Variants in SNX25 observed in about 807,000 individuals in gnomAD.
SNX25 encodes sorting nexin 25.
SNX25 carries 62 observed loss-of-function variants against 113.7 expected under a neutral mutation model. The ratio of observed to expected loss-of-function variants is 0.55; its 90% confidence interval spans 0.44 to 0.67. The LOEUF (loss-of-function observed/expected upper bound fraction) is 0.67, where lower values mean the gene tolerates loss of function less well. Among genes scored for constraint, SNX25 ranks in the 30% least tolerant of loss-of-function variants. The pLI is 0.00. For missense variants in SNX25, 1,014 were observed against 1,161.0 expected (o/e 0.87, Z 1.84); for synonymous variants, 421 against 436.2 (o/e 0.97, Z 0.43).
chr4:185,250,179 C>T (rs1198000062), intron 2 of SNX25, among the ~76,000 whole-genome samples: 2 of 152,110 alleles, frequency 1.3e-5, no homozygotes, highest in Non-Finnish European at 2.9e-5. Flanking sequence ...TTTTGTTCTT[C>T]ACCTAAAGTG....
At chr4:185,266,854 C>A (rs1560950978) in intron 4 of SNX25, 115 bp from the exon 5 acceptor site, 2 of 978,540 alleles carry the variant, frequency 2.0e-6, no homozygotes, top group Non-Finnish European at 3.0e-6. Context: ...TAGATATTCC[C>A]CTGTTTGACT....
intron 9 of SNX25, 132 bp from the exon 10 acceptor site, chr4:185,332,460 AAGC>A: frequency 1.2e-6 from 1 of 848,048 alleles, no homozygotes; most frequent in South Asian, 4.3e-5. Context: ...TGCTGAGAAA[AAGC>A]AGTCTAAATT....
intron 5 of SNX25, among the ~76,000 whole-genome samples, chr4:185,276,963 A>G (rs1749791254): frequency 6.6e-6 from 1 of 152,200 alleles, no homozygotes; most frequent in Admixed American, 6.5e-5. Context: ...AGGGCCAGAG[A>G]TGAGGCTTCT....
Position 185,339,437 on chromosome 4 carries a change from A to C in SNX25, c.1973A>C (p.Gln658Pro). Residue 658 changes from glutamine (Q) to proline (P), a missense_variant, in exon 11 of 19, where the codon CAG becomes CCG. By Grantham distance (76) the Gln-to-Pro change is moderately conservative. Transcript: ENST00000652585. ...ATAGAGAAAGAACGCACAGACCTTC[A>C]GCTGCACATGGCAAGAACGGATTGG... The part of the protein sequence containing the change: ...ILIEKERTDL[Q>P]LHMARTDWWC... 6.2e-7 allele frequency: 1 copy of C among 1,614,136 alleles called. No individual in the cohort carries two copies. The highest frequency in any genetic ancestry group is 8.5e-7 in the Non-Finnish European group (1 of 1,179,996).
chr4:185,223,260 T>A (rs982652686), intron 1 of SNX25, among the ~76,000 whole-genome samples: 3 of 152,200 alleles, frequency 2.0e-5, no homozygotes, highest in African/African-American at 2.4e-5. Flanking sequence ...AATAGTTTAG[T>A]CTTGTCTCTT....
chr4:185,221,159 A>G (rs1200117657), intron 1 of SNX25, among the ~76,000 whole-genome samples: 1 of 151,640 alleles, frequency 6.6e-6, no homozygotes, highest in African/African-American at 2.4e-5. Context: ...CAGCCTCCCA[A>G]GTAGCTGGGT....
intron 15 of SNX25, among the ~76,000 whole-genome samples, 191 bp from the exon 16 acceptor site, chr4:185,357,480 T>C (rs1346488073): frequency 6.6e-6 from 1 of 152,204 alleles, no homozygotes; most frequent in Non-Finnish European, 1.5e-5. Context: ...ATCAGTTGCT[T>C]GGTAGAAAAT....
At chr4:185,239,276 G>T (rs939812318) in intron 1 of SNX25, among the ~76,000 whole-genome samples, 1 of 148,146 alleles carries the variant, frequency 6.8e-6, no homozygotes, top group Non-Finnish European at 1.5e-5. Context: ...GAGGTCAGGA[G>T]ATCGAGACCA....
the SNX25 span, chr4:185,378,154 G>T: frequency 6.2e-7 from 1 of 1,613,904 alleles, no homozygotes; most frequent in Non-Finnish European, 8.5e-7. Context: ...CATAAAAGGG[G>T]TTCTTGGGCA....
intron 2 of SNX25, among the ~76,000 whole-genome samples, chr4:185,250,489 ATC>A (rs1487441180): frequency 6.6e-6 from 1 of 152,184 alleles, no homozygotes; most frequent in Non-Finnish European, 1.5e-5. Flanking sequence ...CAACTCTTAA[ATC>A]TGTTTCCTGA....
chr4:185,373,844 G>A (rs3797029), downstream of SNX25, among the ~76,000 whole-genome samples: 56,160 of 152,068 alleles, frequency 0.37, 12,931 homozygotes, highest in African/African-American at 0.66. Context: ...ATATTCATCT[G>A]TTCATGCTTA....
intron 3 of SNX25, among the ~76,000 whole-genome samples, chr4:185,261,114 C>G (rs986680045): frequency 3.4e-4 from 48 of 141,758 alleles, no homozygotes; most frequent in South Asian, 1.6e-3. Context: ...CTGTCTGTCT[C>G]TGTGTGTGTG....
chr4:185,266,928 A>C (rs1748180741), intron 4 of SNX25, 41 bp from the exon 5 acceptor site: 1 of 1,584,388 alleles, frequency 6.3e-7, no homozygotes, highest in South Asian at 1.1e-5. Context: ...CCCTTAAAGA[A>C]GAATACCTTT....
chr4:185,375,487 A>AAAAAAAAAAAAATATAT, the SNX25 span: 1 of 12,016 alleles, frequency 8.3e-5, no homozygotes, highest in African/African-American at 2.9e-4. Context: ...AAAAAAAAAA[A>AAAAAAAAAAAAATATAT]ATATATATAT....
At chr4:185,276,499 C>T (rs1749699611) in intron 5 of SNX25, among the ~76,000 whole-genome samples, 1 of 152,212 alleles carries the variant, frequency 6.6e-6, no homozygotes, top group Admixed American at 6.5e-5. Context: ...ATGTCACTTA[C>T]ATTACTAATA....
At position 185,320,880 on chromosome 4, in the gene SNX25, T is replaced by C; in HGVS notation, c.1476+16T>C. 1 of 1,563,580 alleles carries C rather than the reference T, an allele frequency of 6.4e-7. No homozygotes were observed. The highest frequency in any genetic ancestry group is 2.3e-5 in the East Asian group (1 of 43,714). On this transcript the variant is annotated intron_variant, in intron 8 of 18. Coordinates refer to ENST00000652585, the MANE Select transcript of SNX25 (RefSeq NM_001378034.2). ...TGCTAACAAGGTAGTATATGTAGGCTGAAAGGAATATTAATCACTAGCTGA... is the reference window on the plus strand; with the variant it reads ...TGCTAACAAGGTAGTATATGTAGGCCGAAAGGAATATTAATCACTAGCTGA...
At chr4:185,235,472 G>C (rs1402105346) in intron 1 of SNX25, among the ~76,000 whole-genome samples, 1 of 152,204 alleles carries the variant, frequency 6.6e-6, no homozygotes, top group Admixed American at 6.5e-5. Flanking sequence ...GGCCAAAGAG[G>C]CTGAAAAGGG....
At chr4:185,245,359 C>A (rs868494804) in intron 1 of SNX25, among the ~76,000 whole-genome samples, 6 of 151,252 alleles carry the variant, frequency 4.0e-5, no homozygotes, top group African/African-American at 1.5e-4. Flanking sequence ...TTTTTTTCTC[C>A]CAGACAGAGT....
chr4:185,266,574 C>T (rs916634097), intron 4 of SNX25, among the ~76,000 whole-genome samples: 1 of 152,116 alleles, frequency 6.6e-6, no homozygotes, highest in African/African-American at 2.4e-5. Flanking sequence ...GTTAGCCAGG[C>T]TGGTCTCAAA....
Sources: gnomAD v4.1 joint callset for allele counts (sites outside exome capture counted in the v4.1 genomes callset) on GRCh38, gnomAD v4.1.1 for gene constraint, MANE v1.5 for transcripts, NCBI Gene and HGNC (gene_info 2026-07-23, HGNC 2026-07-21) for gene names.